Variants in ADA observed in about 807,000 individuals in gnomAD.
ADA encodes adenosine deaminase, also known as adenosine aminohydrolase.
ADA carries 45 observed loss-of-function variants against 49.0 expected under a neutral mutation model. The observed-to-expected ratio is 0.92, with a 90% CI of 0.72 to 1.18. The LOEUF (loss-of-function observed/expected upper bound fraction) is 1.18. Among genes scored for constraint, ADA ranks in the 50% most tolerant of loss-of-function variants. The pLI is 0.00. For missense variants in ADA, 445 were observed against 472.5 expected (o/e 0.94, Z 0.54); for synonymous variants, 173 against 184.2 (o/e 0.94, Z 0.49).
In ADA at chr20:44,622,618, C is replaced by T. The variant is rs2065342420; in HGVS notation, c.815G>A (p.Trp272Ter). The change falls in exon 9 of 12, where the codon TGG becomes TAG. Residue 272 changes from tryptophan to a stop codon, truncating the protein, a stop_gained. Transcript: ENST00000372874. LOFTEE classifies it high-confidence loss of function. ...GACTGCATGCTCCGTGTCCGGCTTC[C>T]AGGCACCAGTGAGGTAGCTGGACCA... ...CPWSSYLTGAWKPDTEHAVIR... is the reference protein window; with the variant it reads ...CPWSSYLTGA 6.2e-7 allele frequency: 1 copy of T among 1,614,134 alleles called. No individual in the cohort carries two copies. Among genetic ancestry groups the T allele is most frequent in the African/African-American group, 1.3e-5 (1 of 74,944 alleles).
chr20:44,638,291 G>C (rs772016336), intron 1 of ADA, among the ~76,000 whole-genome samples: 12 of 152,218 alleles, frequency 7.9e-5, no homozygotes, highest in Non-Finnish European at 1.6e-4. Context: ...AAAAGTCAAT[G>C]AAGGCTGGGC....
rs755647195 is a variant in ADA at position 44,649,730 on chromosome 20, C to CTTTTT, written c.33+1840_33+1844dup. On this transcript the variant is annotated intron_variant, in intron 1 of 11. Transcript: ENST00000372874. ...CCCAACATGTTCGCAATCAAGGAGCCTTTTTTTTTTTTTTTTTTTTTTTGA... is the reference window on the plus strand; with the variant it reads ...CCCAACATGTTCGCAATCAAGGAGCCTTTTTTTTTTTTTTTTTTTTTTTTTTTTGA... 1.1e-3 allele frequency among the ~76,000 whole-genome samples: 87 copies of CTTTTT among 81,878 alleles called. 2 individuals are homozygous for CTTTTT. The highest frequency in any genetic ancestry group is 3.9e-3 in the African/African-American group (78 of 19,938). 53.7% of individuals were successfully genotyped at this position (81,878 alleles called of 152,430 possible).
chr20:44,622,744 C>T, intron 8 of ADA, 85 bp downstream of exon 8: 1 of 1,613,904 alleles, frequency 6.2e-7, no homozygotes, highest in Non-Finnish European at 8.5e-7. Context: ...CCTCGAGTTC[C>T]TGGGACCCGC....
At chr20:44,622,315 C>T (rs1276626914) in intron 9 of ADA, among the ~76,000 whole-genome samples, 1 of 152,206 alleles carries the variant, frequency 6.6e-6, no homozygotes, top group African/African-American at 2.4e-5. Context: ...GTGGAAGCTT[C>T]CCTCAGAGTA....
Position 44,629,171 on chromosome 20 carries a change from T to C in ADA, c.96-2A>G. Reference sequence around the variant, plus strand: ...GCTGGGAGGGCGATCCCTCTCCTCCTGGAAACAAAACAGTGAGTGGTGGAC... The same window carrying C: ...GCTGGGAGGGCGATCCCTCTCCTCCCGGAAACAAAACAGTGAGTGGTGGAC... On this transcript the variant is annotated splice_acceptor_variant, in intron 2 of 11. Coordinates refer to ENST00000372874, the MANE Select transcript of ADA (RefSeq NM_000022.4). LOFTEE classifies it high-confidence loss of function. 6.2e-7 allele frequency: 1 copy of C among 1,614,166 alleles called. No homozygotes were observed. The highest frequency in any genetic ancestry group is 8.5e-7 in the Non-Finnish European group (1 of 1,180,030).
At chr20:44,620,528 C>T (rs751660345) in intron 10 of ADA, 127 bp from the exon 11 acceptor site, 17 of 815,346 alleles carry the variant, frequency 2.1e-5, no homozygotes, top group Non-Finnish European at 3.1e-5. Context: ...AAGGATTTGT[C>T]CACTGTCACA....
At chr20:44,639,425 T>C (rs916752212) in intron 1 of ADA, among the ~76,000 whole-genome samples, 1 of 152,010 alleles carries the variant, frequency 6.6e-6, no homozygotes, top group Non-Finnish European at 1.5e-5. Flanking sequence ...TGTTTTTTGT[T>C]TTTTTAAGAC....
chr20:44,623,053 C>A lies in ADA; in HGVS notation c.632G>T (p.Arg211Leu). Residue 211 changes from arginine (R) to leucine (L), a missense_variant, in exon 7 of 12, where the codon CGT becomes CTT. Coordinates refer to ENST00000372874, the MANE Select transcript of ADA (RefSeq NM_000022.4). ...YQEAVKSGIH[R>L]TVHAGEVGSA... ...GCCCACCTCCCCGGCGTGGACAGTA[C>A]GGTGAATGCCGCTCTTCACAGCCTC... The A allele has an allele frequency of 1.2e-6, 2 of 1,614,098 alleles. No homozygotes were observed. Among genetic ancestry groups the A allele is most frequent in the Non-Finnish European group, 1.7e-6 (2 of 1,179,958 alleles).
In ADA at chr20:44,619,666, C is replaced by A; in HGVS notation, c.*168G>T. The A allele has an allele frequency of 1.2e-6, 1 of 855,142 alleles. No homozygotes were observed. The allele number at this position is 855,142 out of a possible 1,614,324, so 53.0% of individuals were successfully genotyped here. A position where few individuals can be genotyped will look rare whatever the true frequency, so the allele number is the denominator to read the frequency against. On this transcript the variant is annotated 3_prime_UTR_variant, in exon 12 of 12. Coordinates refer to ENST00000372874, the MANE Select transcript of ADA (RefSeq NM_000022.4). ...GCACATAATCAGAGAAGTGACGCGG[C>A]CATGCCGAGGTATACGTGTGTGCAG...
chr20:44,622,627 G>A lies in ADA; in HGVS notation c.806C>T (p.Thr269Ile). ...CTCCGTGTCCGGCTTCCAGGCACCAGTGAGGTAGCTGGACCAGGGGCAGAT... is the reference window on the plus strand; with the variant it reads ...CTCCGTGTCCGGCTTCCAGGCACCAATGAGGTAGCTGGACCAGGGGCAGAT... ...FEICPWSSYL[T>I]GAWKPDTEHA... Residue 269 changes from threonine to isoleucine, a missense_variant, in exon 9 of 12, where the codon ACT becomes ATT. Thr to Ile is a moderately conservative substitution (Grantham distance 89). Coordinates refer to ENST00000372874, the MANE Select transcript of ADA (RefSeq NM_000022.4). 1 of 1,614,262 alleles carries A rather than the reference G, an allele frequency of 6.2e-7. No individual in the cohort carries two copies. Among genetic ancestry groups the A allele is most frequent in the Non-Finnish European group, 8.5e-7 (1 of 1,180,056 alleles).
intron 6 of ADA, among the ~76,000 whole-genome samples, chr20:44,623,750 CCTTT>C (rs1173656260): frequency 2.1e-5 from 3 of 145,842 alleles, no homozygotes; most frequent in Admixed American, 2.0e-4. Context: ...CTTCTTTCTT[CCTTT>C]TTTTTTTTTT....
At position 44,622,861 on chromosome 20, in the gene ADA, T is replaced by G. The variant is rs765555325; in HGVS notation, c.748A>C (p.Asn250His). ...TGCATGTTTTCCTGCCGCAGCCTGT[T>G]ATAAAGGGCCTGGTCTTCCAGGGTG... is the stretch of plus-strand genomic sequence containing the variant. ...YHTLEDQALY[N>H]RLRQENMHFE... The change falls in exon 8 of 12, where the codon AAC (asparagine) becomes CAC (histidine). Residue 250 changes from asparagine to histidine, a missense_variant. Asn to His is a moderately conservative substitution (Grantham distance 68). Coordinates refer to ENST00000372874, the MANE Select transcript of ADA (RefSeq NM_000022.4). 1 of 1,614,186 alleles carries G rather than the reference T, an allele frequency of 6.2e-7. No individual in the cohort carries two copies.
chr20:44,619,602 A>G lies in ADA; in HGVS notation c.*232T>C. 1.8e-6 allele frequency: 1 copy of G among 547,970 alleles called. No homozygotes were observed. Among genetic ancestry groups the G allele is most frequent in the South Asian group, 2.1e-5 (1 of 48,480 alleles). 33.9% of individuals were successfully genotyped at this position (547,970 alleles called of 1,614,324 possible). A position where few individuals can be genotyped will look rare whatever the true frequency, so the allele number is the denominator to read the frequency against. The stretch of plus-strand genomic sequence containing the variant: ...GCCACAGAAGGAGGGTTTCAGATTC[A>G]ACCATGCCCATGTGCAAGGGCGCTG... On this transcript the variant is annotated 3_prime_UTR_variant, in exon 12 of 12. Coordinates refer to ENST00000372874, the MANE Select transcript of ADA (RefSeq NM_000022.4).
At chr20:44,619,946 CTATGA>C in intron 11 of ADA, 99 bp from the exon 12 acceptor site, 1 of 1,497,078 alleles carries the variant, frequency 6.7e-7, no homozygotes, top group Non-Finnish European at 9.3e-7. Flanking sequence ...GAACTCCTTC[CTATGA>C]TGGCAAGAAG....
chr20:44,635,988 A>G, intron 2 of ADA: 1 of 562,748 alleles, frequency 1.8e-6, no homozygotes, highest in South Asian at 2.1e-5. Flanking sequence ...GGCCTGGCTC[A>G]CCTGACACCA....
In ADA at chr20:44,625,591, C is replaced by T; in HGVS notation, c.456G>A (p.Leu152=). The T allele has an allele frequency of 6.3e-7, 1 of 1,587,264 alleles. No individual in the cohort carries two copies. The highest frequency in any genetic ancestry group is 8.6e-7 in the Non-Finnish European group (1 of 1,166,994). ...RDFGVKARSI[L]CCMRHQPNWS... ...CACTGGGCTGGTGGCGCATGCAGCA[C>T]AGGATGGACCGGGCCTTGACCCCGA... The change falls in exon 5 of 12, where the codon CTG becomes CTA. Residue 152 remains leucine, a synonymous_variant. Transcript: ENST00000372874.
At chr20:44,650,733 C>T (rs547532805) in intron 1 of ADA, among the ~76,000 whole-genome samples, 8 of 152,308 alleles carry the variant, frequency 5.3e-5, no homozygotes, top group African/African-American at 1.9e-4. Flanking sequence ...CCTCCTGGGC[C>T]ACTCACACCT....
intron 1 of ADA, among the ~76,000 whole-genome samples, chr20:44,637,095 G>A (rs928203991): frequency 1.3e-4 from 20 of 152,226 alleles, no homozygotes; most frequent in Admixed American, 6.5e-4. Flanking sequence ...ATGTGCCACC[G>A]CAACCGACCC....
At position 44,622,858 on chromosome 20, in the gene ADA, T is replaced by A. The variant is rs1254815787; in HGVS notation, c.751A>T (p.Arg251Trp). The A allele has an allele frequency of 1.2e-6, 2 of 1,614,206 alleles. No homozygotes were observed. The highest frequency in any genetic ancestry group is 3.3e-5 in the Admixed American group (2 of 60,032). ...AAGTGCATGTTTTCCTGCCGCAGCC[T>A]GTTATAAAGGGCCTGGTCTTCCAGG... Reference protein sequence around the residue: ...HTLEDQALYNRLRQENMHFEI... With the variant: ...HTLEDQALYNWLRQENMHFEI... The change falls in exon 8 of 12, where the codon AGG becomes TGG. Residue 251 changes from arginine to tryptophan, a missense_variant. Physicochemically the swap from Arg to Trp is moderately radical, Grantham distance 101. Coordinates refer to ENST00000372874, the MANE Select transcript of ADA (RefSeq NM_000022.4).
Sources: allele counts gnomAD v4.1 joint callset (sites outside exome capture counted in the v4.1 genomes callset), GRCh38; gene constraint gnomAD v4.1.1; transcripts MANE v1.5; gene names NCBI Gene and HGNC (gene_info 2026-07-23, HGNC 2026-07-21).